The following KLF12 variants were observed in gnomAD, a reference collection of about 807,000 sequenced individuals.
KLF12 encodes the protein Krueppel-like factor 12.
Under a neutral mutation model 37.8 loss-of-function variants are expected in KLF12, and 9 were observed. That is an observed-to-expected ratio of 0.24 (90% CI 0.14 to 0.42). KLF12 has a LOEUF of 0.42. Ranked by LOEUF, KLF12 falls within the 10% of genes least tolerant of loss-of-function variation. KLF12 has a pLI of 1.00. For synonymous variants in KLF12, 208 were observed against 202.1 expected, an observed-to-expected ratio of 1.03 and a Z score of -0.25; for missense variants, 411 against 516.0, an observed-to-expected ratio of 0.80 and a Z score of 1.97.
the KLF12 span, among the ~76,000 whole-genome samples, chr13:74,272,591 T>C: frequency 2.0e-5 from 3 of 152,172 alleles, no homozygotes; most frequent in African/African-American, 7.2e-5. Context: ...TGGTAACCCT[T>C]ACCTAGGAGG....
chr13:74,001,824 G>A (rs1477128341), intron 1 of KLF12, among the ~76,000 whole-genome samples: 1 of 152,084 alleles, frequency 6.6e-6, no homozygotes, highest in African/African-American at 2.4e-5. Context: ...AAAAACAAAT[G>A]GTACATGCTT....
At chr13:74,274,297 A>G in the KLF12 span, among the ~76,000 whole-genome samples, 1 of 152,184 alleles carries the variant, frequency 6.6e-6, no homozygotes, top group Non-Finnish European at 1.5e-5. Context: ...GCTTATTTAC[A>G]TATAATCAGC....
At chr13:74,301,248 A>G in the KLF12 span, among the ~76,000 whole-genome samples, 1 of 152,190 alleles carries the variant, frequency 6.6e-6, no homozygotes, top group East Asian at 1.9e-4. Context: ...TTACTTTTGC[A>G]GTTAACAATG....
the KLF12 span, among the ~76,000 whole-genome samples, chr13:74,185,566 G>C: frequency 6.6e-6 from 1 of 152,162 alleles, no homozygotes; most frequent in Non-Finnish European, 1.5e-5. Context: ...TCTGTTACTT[G>C]ACCAGGGTCA....
At chr13:74,193,307 A>G in the KLF12 span, among the ~76,000 whole-genome samples, 1 of 152,136 alleles carries the variant, frequency 6.6e-6, no homozygotes, top group African/African-American at 2.4e-5. Context: ...AAAGATGTGG[A>G]AGAAAACCAC....
At chr13:74,204,847 G>T in the KLF12 span, among the ~76,000 whole-genome samples, 245 of 152,190 alleles carry the variant, frequency 1.6e-3, 1 homozygote, top group African/African-American at 5.4e-3. Flanking sequence ...TATACCGAGG[G>T]TTGTATAGCA....
chr13:73,853,962 A>T (rs1885471718), intron 3 of KLF12, among the ~76,000 whole-genome samples: 2 of 152,202 alleles, frequency 1.3e-5, no homozygotes, highest in South Asian at 2.1e-4. Flanking sequence ...TGGCCAGAAG[A>T]AGTAGTAGTA....
chr13:74,005,455 G>T (rs1000109203), intron 1 of KLF12, among the ~76,000 whole-genome samples: 1 of 152,124 alleles, frequency 6.6e-6, no homozygotes, highest in African/African-American at 2.4e-5. Context: ...AATTTAAAAA[G>T]GCTGGCAGCG....
At chr13:73,889,742 A>G (rs1887413222) in intron 3 of KLF12, among the ~76,000 whole-genome samples, 1 of 152,166 alleles carries the variant, frequency 6.6e-6, no homozygotes, top group Non-Finnish European at 1.5e-5. Flanking sequence ...GGGCTAACAG[A>G]GTAAAAAATT....
chr13:74,193,635 C>T, the KLF12 span, among the ~76,000 whole-genome samples: 31,830 of 152,130 alleles, frequency 0.21, 4,488 homozygotes, highest in African/African-American at 0.4. Flanking sequence ...CTACTTTCCA[C>T]ATGCAGCAAG....
At chr13:74,083,531 CACACACACAA>C (rs1051076276) in intron 1 of KLF12, among the ~76,000 whole-genome samples, 3 of 149,744 alleles carry the variant, frequency 2.0e-5, no homozygotes, top group African/African-American at 4.9e-5. Context: ...CACACACACA[CACACACACAA>C]ACATTTAATA....
At chr13:74,125,922 G>T (rs1449056062) in intron 1 of KLF12, among the ~76,000 whole-genome samples, 1 of 152,172 alleles carries the variant, frequency 6.6e-6, no homozygotes, top group East Asian at 1.9e-4. Flanking sequence ...AACACAAGGG[G>T]AAAGTCCAGG....
intron 3 of KLF12, among the ~76,000 whole-genome samples, chr13:73,888,008 AT>A (rs35761111): frequency 3.4e-4 from 50 of 147,474 alleles, no homozygotes; most frequent in Admixed American, 4.1e-4. Flanking sequence ...AAATTTCAGA[AT>A]TTTTTTTTTT....
intron 3 of KLF12, among the ~76,000 whole-genome samples, chr13:73,893,807 A>G (rs2139036900): frequency 6.6e-6 from 1 of 152,308 alleles, no homozygotes; most frequent in South Asian, 2.1e-4. Context: ...TGGGTAGGTA[A>G]GTAGAGGAAA....
intron 3 of KLF12, among the ~76,000 whole-genome samples, chr13:73,850,608 A>G (rs1454958402): frequency 6.6e-6 from 1 of 152,206 alleles, no homozygotes; most frequent in Non-Finnish European, 1.5e-5. Context: ...CTGTGTAGTC[A>G]GAGCTGAGGA....
intron 6 of KLF12, among the ~76,000 whole-genome samples, chr13:73,728,227 T>A (rs1267660969): frequency 1.3e-5 from 2 of 152,308 alleles, no homozygotes; most frequent in East Asian, 3.9e-4. Context: ...CTATTGTAAA[T>A]GAAATCGTTT....
At chr13:73,924,973 T>C (rs1275705848) in intron 3 of KLF12, among the ~76,000 whole-genome samples, 1 of 152,162 alleles carries the variant, frequency 6.6e-6, no homozygotes, top group Non-Finnish European at 1.5e-5. Context: ...TTCCATTCTA[T>C]GAGGCTGAGA....
At chr13:73,803,635 A>G (rs1485693625) in intron 5 of KLF12, among the ~76,000 whole-genome samples, 1 of 151,980 alleles carries the variant, frequency 6.6e-6, no homozygotes, top group African/African-American at 2.4e-5. Context: ...CCACGAGATC[A>G]GTGATTTTTG....
chr13:74,241,543 C>G, the KLF12 span, among the ~76,000 whole-genome samples: 2 of 152,220 alleles, frequency 1.3e-5, no homozygotes, highest in Non-Finnish European at 2.9e-5. Context: ...CTCCCCCAGC[C>G]TCGCTGCCGC....
Sources: allele counts gnomAD v4.1 joint callset (sites outside exome capture counted in the v4.1 genomes callset), GRCh38; gene constraint gnomAD v4.1.1; transcripts MANE v1.5; gene names NCBI Gene and HGNC (gene_info 2026-07-23, HGNC 2026-07-21).